The following POU6F2 variants were observed in gnomAD, a reference collection of about 807,000 sequenced individuals.
POU6F2 encodes the protein POU domain, class 6, transcription factor 2.
Under a neutral mutation model 71.3 loss-of-function variants are expected in POU6F2, and 31 were observed. That is an observed-to-expected ratio of 0.43 (90% CI 0.33 to 0.59). The LOEUF is 0.59. POU6F2 is among the 20% of genes least tolerant of loss of function. The probability of loss-of-function intolerance (pLI) is 0.04; values close to 1 mark genes in which losing one functional copy is unlikely to be tolerated. For synonymous variants in POU6F2, 347 were observed against 355.7 expected, an observed-to-expected ratio of 0.98 and a Z score of 0.27; for missense variants, 783 against 856.8, an observed-to-expected ratio of 0.91 and a Z score of 1.07.
chr7:39,353,146 TG>T (rs572854889), intron 5 of POU6F2, among the ~76,000 whole-genome samples: 80 of 152,376 alleles, frequency 5.3e-4, no homozygotes, highest in African/African-American at 1.9e-3. Flanking sequence ...CTTTGTCCAA[TG>T]TCTGCCTGCC....
chr7:39,401,621 G>T (rs893801831), intron 5 of POU6F2, among the ~76,000 whole-genome samples: 10 of 152,200 alleles, frequency 6.6e-5, no homozygotes, highest in Admixed American at 2.6e-4. Context: ...CATAGGAAAA[G>T]TCAAGGTCCT....
In POU6F2 at chr7:39,164,597, A is replaced by G. The variant is rs192834266; in HGVS notation, c.278-39638A>G. ...GTCATATGGGAAGGGATGCTGTGGA[A>G]GCATTTGCCATCCAGAGCTGCTGGT... On this transcript the variant is annotated intron_variant, in intron 2 of 9. Coordinates refer to ENST00000518318, the MANE Select transcript of POU6F2 (RefSeq NM_001370959.1). Among the ~76,000 whole-genome samples the G allele has an allele frequency of 3.8e-4, 58 of 151,758 alleles. 1 individual carries two copies. In the East Asian group the frequency reaches 7.4e-3, roughly 19 times the overall value.
At chr7:39,093,651 A>G (rs1454239914) in intron 2 of POU6F2, among the ~76,000 whole-genome samples, 1 of 152,110 alleles carries the variant, frequency 6.6e-6, no homozygotes, top group Non-Finnish European at 1.5e-5. Context: ...ATTTCATCCT[A>G]TTAATGAGAA....
At chr7:39,158,084 T>C (rs1457123083) in intron 2 of POU6F2, among the ~76,000 whole-genome samples, 1 of 152,208 alleles carries the variant, frequency 6.6e-6, no homozygotes, top group Admixed American at 6.5e-5. Context: ...TCTCTGCGCT[T>C]TAGTTTCTTC....
At chr7:39,399,869 AAAG>A (rs550262462) in intron 5 of POU6F2, among the ~76,000 whole-genome samples, 11 of 45,440 alleles carry the variant, frequency 2.4e-4, no homozygotes, top group African/African-American at 1.1e-3. Flanking sequence ...ACAAAAAAAA[AAAG>A]AAAGAAAGAA....
intron 1 of POU6F2, among the ~76,000 whole-genome samples, chr7:39,062,580 C>T (rs1345063478): frequency 6.7e-6 from 1 of 150,200 alleles, no homozygotes; most frequent in Admixed American, 6.7e-5. Context: ...CTAGAATGCA[C>T]ACTAGTGATT....
chr7:39,434,153 G>T (rs543437981), intron 7 of POU6F2, among the ~76,000 whole-genome samples: 3 of 152,214 alleles, frequency 2.0e-5, no homozygotes, highest in South Asian at 4.2e-4. Context: ...GGACAGCTGG[G>T]TATGAGTTAA....
intron 1 of POU6F2, among the ~76,000 whole-genome samples, chr7:39,030,674 G>A (rs2128709164): frequency 6.6e-6 from 1 of 150,952 alleles, no homozygotes; most frequent in East Asian, 2.0e-4. Flanking sequence ...TTTTTGTGCT[G>A]GTTGTGTGGA....
intron 4 of POU6F2, among the ~76,000 whole-genome samples, chr7:39,283,285 CAATTACT>C (rs1784595041): frequency 1.3e-5 from 2 of 151,846 alleles, no homozygotes; most frequent in Non-Finnish European, 2.9e-5. Flanking sequence ...TTCTCTTTCC[CAATTACT>C]AATCATTTTT....
chr7:39,243,990 G>GA (rs1359785032), intron 4 of POU6F2, among the ~76,000 whole-genome samples: 2 of 152,126 alleles, frequency 1.3e-5, no homozygotes, highest in Non-Finnish European at 2.9e-5. Flanking sequence ...TGATCAAAAA[G>GA]GTATTCATAT....
At chr7:39,043,159 A>G (rs888664232) in intron 1 of POU6F2, among the ~76,000 whole-genome samples, 1 of 151,988 alleles carries the variant, frequency 6.6e-6, no homozygotes, top group East Asian at 1.9e-4. Context: ...CAGTTTTAAC[A>G]TGCTATATTT....
chr7:39,444,731 G>A (rs1403672029), intron 7 of POU6F2, among the ~76,000 whole-genome samples: 1 of 152,214 alleles, frequency 6.6e-6, no homozygotes, highest in African/African-American at 2.4e-5. Context: ...TGTGGCATAT[G>A]GTGAACACCT....
At chr7:39,224,222 A>ATG (rs1399285113) in intron 4 of POU6F2, among the ~76,000 whole-genome samples, 8 of 152,204 alleles carry the variant, frequency 5.3e-5, no homozygotes, top group Non-Finnish European at 1.0e-4. Context: ...CAGGAGATTA[A>ATG]TGAATGGGTC....
chr7:39,320,517 T>C (rs1002351258), intron 4 of POU6F2, among the ~76,000 whole-genome samples: 8 of 152,194 alleles, frequency 5.3e-5, no homozygotes, highest in Non-Finnish European at 1.0e-4. Context: ...AAAGTGTTTT[T>C]GCAGCCCTGG....
chr7:39,366,385 C>T (rs996340866), intron 5 of POU6F2, among the ~76,000 whole-genome samples: 2 of 152,150 alleles, frequency 1.3e-5, no homozygotes, highest in African/African-American at 4.8e-5. Flanking sequence ...CACACACACT[C>T]TTCCCCCAGC....
chr7:39,438,926 T>A (rs1327720688), intron 7 of POU6F2, among the ~76,000 whole-genome samples: 1 of 152,210 alleles, frequency 6.6e-6, no homozygotes, highest in Non-Finnish European at 1.5e-5. Context: ...ATCTTCTGTC[T>A]CATTGATCTG....
intron 4 of POU6F2, among the ~76,000 whole-genome samples, chr7:39,289,749 AC>A (rs1784716260): frequency 1.3e-5 from 2 of 152,212 alleles, no homozygotes. Context: ...GTCGATTAAA[AC>A]AAATACCCTA....
intron 4 of POU6F2, among the ~76,000 whole-genome samples, chr7:39,332,300 G>A (rs1195958941): frequency 3.3e-5 from 5 of 152,206 alleles, no homozygotes; most frequent in East Asian, 1.9e-4. Context: ...ATGCTCTGCT[G>A]TGGACTGGCT....
chr7:39,374,852 A>G (rs556882456), intron 5 of POU6F2, among the ~76,000 whole-genome samples: 1 of 152,346 alleles, frequency 6.6e-6, no homozygotes, highest in East Asian at 1.9e-4. Flanking sequence ...GGGTGAACCC[A>G]GTATATTTTC....
Sources: gnomAD v4.1 joint callset for allele counts (sites outside exome capture counted in the v4.1 genomes callset) on GRCh38, gnomAD v4.1.1 for gene constraint, MANE v1.5 for transcripts, NCBI Gene and HGNC (gene_info 2026-07-23, HGNC 2026-07-21) for gene names.